The following FRAS1 variants were observed in gnomAD, a reference collection of about 807,000 sequenced individuals.
The protein encoded by FRAS1 is Fraser extracellular matrix complex subunit 1.
In FRAS1, 290 loss-of-function variants were observed where a neutral mutation model predicts 435.2. The ratio of observed to expected loss-of-function variants is 0.67; its 90% CI spans 0.61 to 0.73. The LOEUF is 0.73. FRAS1 is among the 30% of genes least tolerant of loss of function. FRAS1 has a pLI of 0.00. For missense variants in FRAS1, 4,860 were observed against 5,001.5 expected (o/e 0.97, Z 0.85); for synonymous variants, 1,800 against 1,851.0 (o/e 0.97, Z 0.71).
chr4:78,207,735 C>T (rs1723323325), intron 2 of FRAS1, among the ~76,000 whole-genome samples: 2 of 152,138 alleles, frequency 1.3e-5, no homozygotes, highest in African/African-American at 4.8e-5. Context: ...AATCAAGCTC[C>T]TATAACTTCT....
intron 2 of FRAS1, among the ~76,000 whole-genome samples, chr4:78,114,767 T>C (rs1019847452): frequency 2.0e-5 from 3 of 152,272 alleles, no homozygotes; most frequent in Non-Finnish European, 4.4e-5. Flanking sequence ...AGTCATGTCA[T>C]CTGCAAACAG....
At chr4:78,093,627 T>G (rs896913942) in intron 2 of FRAS1, among the ~76,000 whole-genome samples, 25 of 152,188 alleles carry the variant, frequency 1.6e-4, no homozygotes, top group African/African-American at 6.0e-4. Flanking sequence ...CTCTCCAACA[T>G]TTTATTTTAA....
chr4:78,138,854 AT>A (rs1315128483), intron 2 of FRAS1, among the ~76,000 whole-genome samples: 2 of 151,986 alleles, frequency 1.3e-5, no homozygotes, highest in Non-Finnish European at 1.5e-5. Flanking sequence ...TGTAGCTTTA[AT>A]TTTTTTTAAA....
At chr4:78,256,443 C>A (rs1036816360) in intron 6 of FRAS1, among the ~76,000 whole-genome samples, 1 of 152,116 alleles carries the variant, frequency 6.6e-6, no homozygotes, top group Non-Finnish European at 1.5e-5. Context: ...CATTTTGGGG[C>A]CTAGTCCCTT....
At chr4:78,238,396 A>G (rs1213070520) in intron 3 of FRAS1, among the ~76,000 whole-genome samples, 1 of 77,782 alleles carries the variant, frequency 1.3e-5, no homozygotes, top group African/African-American at 3.3e-5. Context: ...AACTCCCAGG[A>G]CAAGACCAAT....
At chr4:78,210,202 A>G (rs1038791217) in intron 2 of FRAS1, among the ~76,000 whole-genome samples, 28 of 152,054 alleles carry the variant, frequency 1.8e-4, no homozygotes, top group African/African-American at 6.8e-4. Flanking sequence ...ACTCTCTTTT[A>G]TTTAATCTAT....
At chr4:78,212,230 T>C (rs1275906164) in intron 2 of FRAS1, among the ~76,000 whole-genome samples, 1 of 152,220 alleles carries the variant, frequency 6.6e-6, no homozygotes, top group East Asian at 1.9e-4. Flanking sequence ...TTCTTGTTTG[T>C]CCTTCAAGTC....
intron 2 of FRAS1, among the ~76,000 whole-genome samples, chr4:78,193,734 G>T (rs986483331): frequency 2.6e-4 from 39 of 152,258 alleles, no homozygotes; most frequent in African/African-American, 9.1e-4. Context: ...CAATTTGCCA[G>T]TCTGTGTCTT....
chr4:78,075,469 C>A (rs1003964537), intron 2 of FRAS1, among the ~76,000 whole-genome samples: 5 of 152,254 alleles, frequency 3.3e-5, no homozygotes, highest in Non-Finnish European at 7.4e-5. Context: ...CAGCCAGCAG[C>A]AGTCGACCCA....
At chr4:78,382,208 C>T (rs1188117508) in intron 27 of FRAS1, among the ~76,000 whole-genome samples, 20 of 149,050 alleles carry the variant, frequency 1.3e-4, no homozygotes, top group Admixed American at 1.2e-3. Flanking sequence ...ATCACTTACC[C>T]TTATTTGATA....
chr4:78,464,195 T>C, intron 48 of FRAS1, 50 bp downstream of exon 48: 2 of 1,573,964 alleles, frequency 1.3e-6, no homozygotes, highest in East Asian at 4.5e-5. Flanking sequence ...TTCCTCGCCA[T>C]CTTCTTTGAG....
chr4:78,206,461 A>G (rs893934273), intron 2 of FRAS1, among the ~76,000 whole-genome samples: 1 of 152,180 alleles, frequency 6.6e-6, no homozygotes, highest in African/African-American at 2.4e-5. Context: ...CCATAAAATA[A>G]TACATTTTTT....
chr4:78,447,288 TAAA>T (rs3086830), intron 43 of FRAS1, among the ~76,000 whole-genome samples: 1 of 109,030 alleles, frequency 9.2e-6, no homozygotes, highest in Non-Finnish European at 1.8e-5. Flanking sequence ...GTTCCTTTTG[TAAA>T]AAAAAAAAAA....
intron 20 of FRAS1, among the ~76,000 whole-genome samples, chr4:78,360,527 C>T (rs1264363573): frequency 1.3e-5 from 2 of 151,970 alleles, no homozygotes; most frequent in Non-Finnish European, 2.9e-5. Flanking sequence ...TAGGTGTAGG[C>T]ATTAGCCATT....
chr4:78,201,168 T>C (rs1723037121), intron 2 of FRAS1, among the ~76,000 whole-genome samples: 2 of 152,150 alleles, frequency 1.3e-5, no homozygotes, highest in Non-Finnish European at 2.9e-5. Flanking sequence ...TCAGGGATCA[T>C]GTCTTATCCT....
At chr4:78,378,887 AT>A (rs1188067233) in intron 26 of FRAS1, among the ~76,000 whole-genome samples, 4 of 151,894 alleles carry the variant, frequency 2.6e-5, no homozygotes, top group Non-Finnish European at 5.9e-5. Flanking sequence ...ATGTCCATTT[AT>A]TTTTTCTTTT....
chr4:78,390,063 C>T (rs1416800285), intron 29 of FRAS1, among the ~76,000 whole-genome samples: 1 of 152,126 alleles, frequency 6.6e-6, no homozygotes, highest in Non-Finnish European at 1.5e-5. Context: ...CCTCAGCATT[C>T]ATCAGGATGT....
At chr4:78,157,245 TC>T (rs1421272040) in intron 2 of FRAS1, among the ~76,000 whole-genome samples, 1 of 152,238 alleles carries the variant, frequency 6.6e-6, no homozygotes, top group Non-Finnish European at 1.5e-5. Flanking sequence ...CCTGGGTTTA[TC>T]CCATGTCCTT....
At chr4:78,180,738 C>T (rs888752115) in intron 2 of FRAS1, 10 of 762,808 alleles carry the variant, frequency 1.3e-5, no homozygotes, top group South Asian at 8.8e-5. Context: ...AAAATTCAGT[C>T]TTTAGGTGTG....
Sources: allele counts gnomAD v4.1 joint callset (sites outside exome capture counted in the v4.1 genomes callset), GRCh38; gene constraint gnomAD v4.1.1; transcripts MANE v1.5; gene names NCBI Gene and HGNC (gene_info 2026-07-23, HGNC 2026-07-21).